Variants in PHACTR4 observed in about 807,000 individuals in gnomAD.
PHACTR4 encodes phosphatase and actin regulator 4.
A neutral mutation model predicts 72.7 loss-of-function variants in PHACTR4; 51 were observed. The observed-to-expected ratio is 0.70, with a 90% confidence interval of 0.56 to 0.89. The LOEUF is 0.89. PHACTR4 is among the 40% of genes least tolerant of loss of function. The probability of loss-of-function intolerance (pLI) is 0.00; values close to 1 mark genes in which losing one functional copy is unlikely to be tolerated. For missense variants in PHACTR4, 731 were observed against 861.8 expected (o/e 0.85, Z 1.90); for synonymous variants, 255 against 302.5 (o/e 0.84, Z 1.63).
chr1:28,445,881 G>A (rs537121949), intron 2 of PHACTR4, among the ~76,000 whole-genome samples: 5 of 148,352 alleles, frequency 3.4e-5, no homozygotes, highest in African/African-American at 5.3e-5. Flanking sequence ...CTAACAGAGC[G>A]AGACTGTGTT....
At position 28,498,190 on chromosome 1, in the gene PHACTR4, C is replaced by A. The variant is rs1661476817; in HGVS notation, c.*1641C>A. ...TTATGAGCTGTCAGTCCCCACACTT[C>A]TAGCCAGAATCACAATAAGGTCTGG... On this transcript the variant is annotated 3_prime_UTR_variant, in exon 14 of 14. Coordinates refer to ENST00000373839, the MANE Select transcript of PHACTR4 (RefSeq NM_001048183.3). 6.6e-6 allele frequency: 1 copy of A among 152,214 alleles called. No individual in the cohort carries two copies. Among genetic ancestry groups the A allele is most frequent in the Non-Finnish European group, 1.5e-5 (1 of 68,034 alleles). 9.4% of individuals were successfully genotyped at this position (152,214 alleles called of 1,614,324 possible).
At chr1:28,477,573 C>A (rs530319662) in intron 8 of PHACTR4, among the ~76,000 whole-genome samples, 3 of 152,250 alleles carry the variant, frequency 2.0e-5, no homozygotes, top group African/African-American at 7.2e-5. Flanking sequence ...GGCTATCCAT[C>A]TCAAGCACTT....
chr1:28,489,147 A>T (rs1470134483), intron 9 of PHACTR4, 23 bp from the exon 10 acceptor site: 3 of 1,603,222 alleles, frequency 1.9e-6, no homozygotes, highest in Non-Finnish European at 1.7e-6. Flanking sequence ...CATAAACATT[A>T]CCTTTATTTA....
At chr1:28,485,319 TG>T (rs1660564470) in intron 9 of PHACTR4, among the ~76,000 whole-genome samples, 1 of 152,228 alleles carries the variant, frequency 6.6e-6, no homozygotes, top group African/African-American at 2.4e-5. Flanking sequence ...CTGGGCGCGG[TG>T]GCTCACGCCT....
intron 2 of PHACTR4, among the ~76,000 whole-genome samples, chr1:28,409,182 T>C (rs1654588668): frequency 6.6e-6 from 1 of 151,334 alleles, no homozygotes; most frequent in South Asian, 2.1e-4. Flanking sequence ...TGGAGTTCAG[T>C]GGCTATTCAC....
At chr1:28,431,110 C>G (rs911349497) in intron 2 of PHACTR4, among the ~76,000 whole-genome samples, 1 of 148,690 alleles carries the variant, frequency 6.7e-6, no homozygotes, top group Non-Finnish European at 1.5e-5. Flanking sequence ...ATCCAGGAGG[C>G]GGAGCTTGCA....
chr1:28,494,574 C>T (rs763282925), intron 13 of PHACTR4, among the ~76,000 whole-genome samples: 8 of 152,202 alleles, frequency 5.3e-5, no homozygotes, highest in Non-Finnish European at 1.0e-4. Context: ...ATCACTTGAA[C>T]CCCGGAAGCA....
At chr1:28,390,788 A>G (rs933289411) in intron 1 of PHACTR4, among the ~76,000 whole-genome samples, 7 of 151,344 alleles carry the variant, frequency 4.6e-5, no homozygotes, top group Non-Finnish European at 7.4e-5. Flanking sequence ...AAGAGACTGC[A>G]TCTCAAAAAA....
At chr1:28,381,391 CG>C (rs1356302375) in intron 1 of PHACTR4, among the ~76,000 whole-genome samples, 1 of 150,528 alleles carries the variant, frequency 6.6e-6, no homozygotes, top group African/African-American at 2.5e-5. Flanking sequence ...CTCCGCCTCC[CG>C]GGTTCAAGCG....
At chr1:28,457,717 C>T in intron 2 of PHACTR4, 2 of 518,480 alleles carry the variant, frequency 3.9e-6, no homozygotes, top group Non-Finnish European at 5.0e-6. Flanking sequence ...AAATTGTTTA[C>T]AGTCAACATG....
Position 28,474,097 on chromosome 1 carries a change from G to C in PHACTR4, c.1367G>C (p.Ser456Thr). The change falls in exon 7 of 14, where the codon AGC (serine) becomes ACC (threonine). Residue 456 changes from serine to threonine, a missense_variant. Around this residue, in one of 2 missense-constraint regions of PHACTR4, gnomAD observed 621 missense variants for 676.6 expected, o/e 0.92. Transcript: ENST00000373839. ...FENSDSFSEDSSTLGRTRSLP... is the reference protein window; with the variant it reads ...FENSDSFSEDTSTLGRTRSLP... ...AACAGTGACAGCTTTTCTGAGGACAGCAGTACGCTGGGTCGGACCAGGTCT... is the reference window on the plus strand; with the variant it reads ...AACAGTGACAGCTTTTCTGAGGACACCAGTACGCTGGGTCGGACCAGGTCT... 6.2e-7 allele frequency: 1 copy of C among 1,614,198 alleles called. No homozygotes were observed. The highest frequency in any genetic ancestry group is 8.5e-7 in the Non-Finnish European group (1 of 1,180,032).
intron 1 of PHACTR4, among the ~76,000 whole-genome samples, chr1:28,387,380 T>TC (rs1652643301): frequency 6.6e-6 from 1 of 152,142 alleles, no homozygotes; most frequent in Admixed American, 6.6e-5. Context: ...TACATCTTCT[T>TC]CCCTTCATTC....
chr1:28,441,833 A>G (rs1202147582), intron 2 of PHACTR4, among the ~76,000 whole-genome samples: 1 of 152,096 alleles, frequency 6.6e-6, no homozygotes, highest in Non-Finnish European at 1.5e-5. Context: ...CGTTTCTACA[A>G]AAATAAAAAT....
chr1:28,461,561 A>G (rs1366114028), intron 4 of PHACTR4, among the ~76,000 whole-genome samples: 1 of 152,234 alleles, frequency 6.6e-6, no homozygotes, highest in East Asian at 1.9e-4. Flanking sequence ...CAAAAAATTA[A>G]ATTGTATGTA....
chr1:28,379,832 G>A (rs1569744884), intron 1 of PHACTR4, among the ~76,000 whole-genome samples: 2 of 148,784 alleles, frequency 1.3e-5, no homozygotes, highest in African/African-American at 2.5e-5. Flanking sequence ...CTCGTGATCC[G>A]CCCGCCTCGG....
At chr1:28,449,405 G>C (rs1657766829) in intron 2 of PHACTR4, among the ~76,000 whole-genome samples, 1 of 152,020 alleles carries the variant, frequency 6.6e-6, no homozygotes. Flanking sequence ...CATTATCTTT[G>C]ACCTAGGGCA....
intron 2 of PHACTR4, among the ~76,000 whole-genome samples, chr1:28,429,762 G>A (rs74064743): frequency 8.0e-4 from 122 of 152,284 alleles, no homozygotes; most frequent in African/African-American, 2.8e-3. Context: ...GGAATTTCTA[G>A]CTTAATTGAG....
intron 2 of PHACTR4, among the ~76,000 whole-genome samples, chr1:28,435,376 C>T (rs748065234): frequency 1.1e-4 from 16 of 152,204 alleles, no homozygotes; most frequent in East Asian, 3.9e-4. Context: ...GCGATTCTCA[C>T]GCCTCAGCCT....
chr1:28,478,137 G>A (rs1243562174), intron 8 of PHACTR4, among the ~76,000 whole-genome samples: 1 of 152,088 alleles, frequency 6.6e-6, no homozygotes, highest in African/African-American at 2.4e-5. Context: ...ACGTAAGAGT[G>A]AGAACATACA....
Sources: allele counts gnomAD v4.1 joint callset (sites outside exome capture counted in the v4.1 genomes callset), GRCh38; gene constraint gnomAD v4.1.1; regional missense constraint gnomAD v4.1.1; transcripts MANE v1.5; gene names NCBI Gene and HGNC (gene_info 2026-07-23, HGNC 2026-07-21).